The following DOCK7 variants were observed in gnomAD, a reference collection of about 807,000 sequenced individuals.
DOCK7 encodes dedicator of cytokinesis protein 7.
DOCK7 carries 138 observed loss-of-function variants against 271.0 expected under a neutral mutation model. The ratio of observed to expected loss-of-function variants is 0.51; its 90% confidence interval spans 0.44 to 0.59. DOCK7 has a LOEUF of 0.59. DOCK7 is among the 20% of genes least tolerant of loss of function. The probability of loss-of-function intolerance (pLI) is 0.00; values close to 1 mark genes in which losing one functional copy is unlikely to be tolerated. For missense variants in DOCK7, 2,066 were observed against 2,592.4 expected, an observed-to-expected ratio of 0.80 and a Z score of 4.41; for synonymous variants, 823 against 876.1, an observed-to-expected ratio of 0.94 and a Z score of 1.07.
At chr1:62,592,978 A>T (rs562441591) in intron 14 of DOCK7, among the ~76,000 whole-genome samples, 1 of 152,328 alleles carries the variant, frequency 6.6e-6, no homozygotes, top group Non-Finnish European at 1.5e-5. Context: ...GAAACAAATG[A>T]TTAAAAGGGG....
intron 1 of DOCK7, among the ~76,000 whole-genome samples, chr1:62,682,723 G>C (rs1661313023): frequency 6.6e-6 from 1 of 152,170 alleles, no homozygotes; most frequent in African/African-American, 2.4e-5. Context: ...ATACATGGGA[G>C]AAATGTGACA....
At chr1:62,598,741 A>G (rs1571708442) in intron 14 of DOCK7, 1 of 1,611,602 alleles carries the variant, frequency 6.2e-7, no homozygotes, top group South Asian at 1.1e-5. Flanking sequence ...CCTTCTCCAG[A>G]CCGTGGAAGA....
At chr1:62,549,109 T>G (rs1274850923) in intron 22 of DOCK7, among the ~76,000 whole-genome samples, 1 of 150,474 alleles carries the variant, frequency 6.6e-6, no homozygotes, top group Non-Finnish European at 1.5e-5. Flanking sequence ...GATAAAGAGA[T>G]CAGAAAAGGA....
intron 9 of DOCK7, 108 bp downstream of exon 9, chr1:62,634,665 G>A (rs1349464783): frequency 2.5e-6 from 3 of 1,196,568 alleles, no homozygotes; most frequent in East Asian, 4.8e-5. Flanking sequence ...ATATCAAGAT[G>A]AAAAAAATAT....
intron 1 of DOCK7, among the ~76,000 whole-genome samples, chr1:62,675,000 A>T (rs929275050): frequency 6.6e-6 from 1 of 152,240 alleles, no homozygotes; most frequent in Admixed American, 6.5e-5. Context: ...CACCTAAAAA[A>T]TGAAAGGACA....
chr1:62,636,280 C>G (rs574861188), intron 8 of DOCK7, among the ~76,000 whole-genome samples: 3 of 152,248 alleles, frequency 2.0e-5, no homozygotes, highest in Admixed American at 2.0e-4. Context: ...AAGTGATTTT[C>G]TTATATTGTC....
intron 7 of DOCK7, among the ~76,000 whole-genome samples, chr1:62,642,834 ATTT>A (rs906750536): frequency 6.6e-6 from 1 of 152,226 alleles, no homozygotes; most frequent in Non-Finnish European, 1.5e-5. Flanking sequence ...AACACTAACA[ATTT>A]TTATCAGTAT....
chr1:62,568,794 G>T (rs1186469767), intron 18 of DOCK7, among the ~76,000 whole-genome samples: 1 of 149,676 alleles, frequency 6.7e-6, no homozygotes, highest in African/African-American at 2.4e-5. Flanking sequence ...AAAATTAACA[G>T]ATCCAGAAGC....
intron 14 of DOCK7, chr1:62,597,696 A>C: frequency 6.2e-7 from 1 of 1,613,546 alleles, no homozygotes; most frequent in Non-Finnish European, 8.5e-7. Context: ...AGACGATGTA[A>C]AAATTTTAGC....
At chr1:62,672,376 T>C (rs1660117004) in intron 1 of DOCK7, among the ~76,000 whole-genome samples, 1 of 152,124 alleles carries the variant, frequency 6.6e-6, no homozygotes, top group African/African-American at 2.4e-5. Flanking sequence ...TTACTTTTGT[T>C]ATACCTCAAT....
Position 62,528,247 on chromosome 1 carries a change from C to G in DOCK7, c.3840G>C (p.Glu1280Asp). ...ICIATDDYES[E>D]SGSMISQTVA... ...CGGTCTGGCTTATCATACTTCCGCTCTCACTTTCATAATCATCAGTGGCTA... is the reference window on the plus strand; with the variant it reads ...CGGTCTGGCTTATCATACTTCCGCTGTCACTTTCATAATCATCAGTGGCTA... Residue 1280 changes from glutamate (E) to aspartate (D), a missense_variant, in exon 31 of 50, where the codon GAG becomes GAC. Glu to Asp is a conservative substitution (Grantham distance 45, BLOSUM62 2). This residue lies in a region of DOCK7 where 1,414 missense variants were observed against 1,670.4 expected (regional missense o/e 0.85). Coordinates refer to ENST00000635253, the MANE Select transcript of DOCK7 (RefSeq NM_001367561.1). 1 of 1,613,716 alleles carries G rather than the reference C, an allele frequency of 6.2e-7. No individual in the cohort carries two copies.
At chr1:62,485,123 G>A in intron 43 of DOCK7, 8 of 980,828 alleles carry the variant, frequency 8.2e-6, no homozygotes, top group Non-Finnish European at 9.7e-6. Flanking sequence ...ATTACAGAGT[G>A]AGACCCCATC....
chr1:62,636,638 T>TA lies in DOCK7; in HGVS notation c.819-36dup, dbSNP rs1240665531. The TA allele has an allele frequency of 2.6e-6, 4 of 1,511,698 alleles. No individual in the cohort carries two copies. In the African/African-American group the frequency reaches 4.2e-5, roughly 16 times the overall value. 93.6% of individuals were successfully genotyped at this position (1,511,698 alleles called of 1,614,324 possible). ...GAAAAAGGATAAAATAATTTAAAGA[T>TA]AAACATGAAATACACAGTTGGAGAG... On this transcript the variant is annotated intron_variant, in intron 7 of 49. Transcript: ENST00000635253.
intron 12 of DOCK7, among the ~76,000 whole-genome samples, chr1:62,622,658 C>T (rs559576781): frequency 7.9e-5 from 12 of 152,114 alleles, no homozygotes; most frequent in African/African-American, 2.6e-4. Context: ...CGGCCAGGCA[C>T]GGCGTCTCAC....
At chr1:62,517,268 T>C (rs1158616926) in intron 31 of DOCK7, among the ~76,000 whole-genome samples, 3 of 152,090 alleles carry the variant, frequency 2.0e-5, no homozygotes, top group South Asian at 2.1e-4. Flanking sequence ...TGTCCCACCA[T>C]GCCAATTAAA....
intron 15 of DOCK7, chr1:62,584,790 A>T: frequency 1.3e-6 from 1 of 752,886 alleles, no homozygotes; most frequent in Non-Finnish European, 2.4e-6. Flanking sequence ...TCAAGTGATA[A>T]AGTCCCATGA....
At chr1:62,580,009 C>T (rs1002694300) in intron 16 of DOCK7, among the ~76,000 whole-genome samples, 2 of 152,022 alleles carry the variant, frequency 1.3e-5, no homozygotes, top group African/African-American at 4.8e-5. Flanking sequence ...GGCTGCTATT[C>T]ATAACAAAAA....
intron 7 of DOCK7, among the ~76,000 whole-genome samples, chr1:62,637,274 T>C (rs1267602879): frequency 6.6e-6 from 1 of 152,212 alleles, no homozygotes; most frequent in African/African-American, 2.4e-5. Flanking sequence ...AATTGTATAC[T>C]TAATTGAGAT....
chr1:62,651,384 G>C (rs1657340712), intron 4 of DOCK7, among the ~76,000 whole-genome samples: 1 of 150,360 alleles, frequency 6.7e-6, no homozygotes, highest in African/African-American at 2.5e-5. Flanking sequence ...CACCAACATG[G>C]CACATGTATA....
Sources: allele counts gnomAD v4.1 joint callset (sites outside exome capture counted in the v4.1 genomes callset), GRCh38; gene constraint gnomAD v4.1.1; regional missense constraint gnomAD v4.1.1; transcripts MANE v1.5; gene names NCBI Gene and HGNC (gene_info 2026-07-23, HGNC 2026-07-21).